Variants in CMTM6 observed in about 807,000 individuals in gnomAD.
CMTM6 encodes CKLF-like MARVEL transmembrane domain-containing protein 6.
A neutral mutation model predicts 13.6 loss-of-function variants in CMTM6; 5 were observed. That is an observed-to-expected ratio of 0.37 (90% confidence interval 0.19 to 0.77). CMTM6 has a LOEUF of 0.77. Among genes scored for constraint, CMTM6 ranks in the 30% least tolerant of loss-of-function variants. The pLI, the probability that CMTM6 is intolerant of heterozygous loss-of-function variation, is 0.50. For missense variants in CMTM6, 196 were observed against 218.6 expected (o/e 0.90, Z 0.65); for synonymous variants, 99 against 84.5 (o/e 1.17, Z -0.94).
At chr3:32,501,486 A>C (rs1697345148) in intron 1 of CMTM6, among the ~76,000 whole-genome samples, 1 of 152,206 alleles carries the variant, frequency 6.6e-6, no homozygotes, top group African/African-American at 2.4e-5. Flanking sequence ...ACTGGGTTCC[A>C]TAGGCCACAT....
chr3:32,486,129 G>T (rs1298978966), intron 3 of CMTM6, among the ~76,000 whole-genome samples: 1 of 152,156 alleles, frequency 6.6e-6, no homozygotes, highest in Non-Finnish European at 1.5e-5. Context: ...GCCCGCCTTG[G>T]CCTCCCAAAG....
rs1316836445 is a variant in CMTM6, at chr3:32,487,808, C to CA, written c.414+129dup. On this transcript the variant is annotated intron_variant, in intron 3 of 3. Transcript: ENST00000205636. ...TTGATTTGCTTGTAGGTCTTCTATT[C>CA]AAAATTACACTAAAAAGTAAGTTAT... 1.4e-5 allele frequency: 8 copies of CA among 578,756 alleles called. No individual in the cohort carries two copies. In the Admixed American group the frequency reaches 1.6e-4, roughly 12 times the overall value. 35.9% of individuals were successfully genotyped at this position (578,756 alleles called of 1,614,324 possible). A position where few individuals can be genotyped will look rare whatever the true frequency, so the allele number is the denominator to read the frequency against.
At chr3:32,494,099 A>G (rs999419795) in intron 1 of CMTM6, among the ~76,000 whole-genome samples, 36 of 152,224 alleles carry the variant, frequency 2.4e-4, no homozygotes, top group African/African-American at 8.4e-4. Context: ...GGGTGGGTCT[A>G]AAGACATAGG....
intron 2 of CMTM6, among the ~76,000 whole-genome samples, chr3:32,490,858 TAC>T (rs1420296073): frequency 6.6e-6 from 1 of 152,200 alleles, no homozygotes; most frequent in African/African-American, 2.4e-5. Flanking sequence ...TTGGAATATA[TAC>T]ATTTTTTTTT....
At position 32,502,651 on chromosome 3, in the gene CMTM6, C is replaced by A. The variant is rs769365885; in HGVS notation, c.95G>T (p.Gly32Val). ...RSGLAAYFFM[G>V]RLPLLRRVLK... ...AACGCGCCGGAGCAATGGGAGCCGG[C>A]CCATGAAAAAGTAGGCAGCGAGGCC... The change falls in exon 1 of 4, where the codon GGC (glycine) becomes GTC (valine). Residue 32 changes from glycine (G) to valine (V), a missense_variant. Transcript: ENST00000205636. The A allele has an allele frequency of 1.9e-6, 3 of 1,595,136 alleles. No homozygotes were observed. The highest frequency in any genetic ancestry group is 2.3e-5 in the East Asian group (1 of 44,002).
intron 1 of CMTM6, among the ~76,000 whole-genome samples, chr3:32,494,146 C>T (rs1697270711): frequency 6.6e-6 from 1 of 152,126 alleles, no homozygotes. Flanking sequence ...ATTCAGGGCT[C>T]AGGTTTGGGG....
At position 32,483,283 on chromosome 3, in the gene CMTM6, G is replaced by A. The variant is rs1697172294; in HGVS notation, c.*677C>T. The A allele has an allele frequency of 6.6e-6, 1 of 152,500 alleles. No homozygotes were observed. The highest frequency in any genetic ancestry group is 1.5e-5 in the Non-Finnish European group (1 of 68,020). The allele number at this position is 152,500 out of a possible 1,614,324, so 9.4% of individuals were successfully genotyped here. On this transcript the variant is annotated 3_prime_UTR_variant, in exon 4 of 4. Coordinates refer to ENST00000205636, the MANE Select transcript of CMTM6 (RefSeq NM_017801.3). Reference sequence around the variant, plus strand: ...AACAACCAAGGTGCAGTATAAACACGAAGTTGCTGATATTGTTGCTTTTAT... The same window carrying A: ...AACAACCAAGGTGCAGTATAAACACAAAGTTGCTGATATTGTTGCTTTTAT...
chr3:32,485,452 A>G (rs922401353), intron 3 of CMTM6, among the ~76,000 whole-genome samples: 2 of 152,020 alleles, frequency 1.3e-5, no homozygotes, highest in Non-Finnish European at 2.9e-5. Flanking sequence ...ATTTTTCCTC[A>G]ACTTCATTTC....
At chr3:32,501,188 CAAAAAAAA>C in intron 1 of CMTM6, among the ~76,000 whole-genome samples, 1 of 58,412 alleles carries the variant, frequency 1.7e-5, no homozygotes, top group African/African-American at 6.4e-5. Context: ...GACTCGGTCT[CAAAAAAAA>C]AAAAAAAAAA....
chr3:32,496,649 G>A (rs1697294320), intron 1 of CMTM6, among the ~76,000 whole-genome samples: 1 of 152,140 alleles, frequency 6.6e-6, no homozygotes, highest in African/African-American at 2.4e-5. Context: ...ATTATATGTA[G>A]GTTAGAAAAT....
At chr3:32,488,109 A>G (rs765375720) in intron 2 of CMTM6, 73 bp from the exon 3 acceptor site, 118 of 1,092,496 alleles carry the variant, frequency 1.1e-4, no homozygotes, top group Non-Finnish European at 1.5e-4. Context: ...TTCATTTTTA[A>G]CTTTAAAAAG....
intron 2 of CMTM6, among the ~76,000 whole-genome samples, chr3:32,488,832 GGCTCTCATAT>G: frequency 6.6e-6 from 1 of 152,260 alleles, no homozygotes; most frequent in Non-Finnish European, 1.5e-5. Context: ...TACCTCACAA[GGCTCTCATAT>G]GCCAACTGAA....
chr3:32,496,352 C>G (rs1158543054), intron 1 of CMTM6, among the ~76,000 whole-genome samples: 3 of 151,326 alleles, frequency 2.0e-5, no homozygotes, highest in Non-Finnish European at 4.4e-5. Context: ...GAAGCCAAGG[C>G]GGGAGGATTG....
chr3:32,497,202 T>C (rs2125659180), intron 1 of CMTM6, among the ~76,000 whole-genome samples: 1 of 151,500 alleles, frequency 6.6e-6, no homozygotes, highest in African/African-American at 2.4e-5. Flanking sequence ...GCTAACATGG[T>C]GAAACCCCGT....
intron 1 of CMTM6, among the ~76,000 whole-genome samples, chr3:32,498,166 T>G (rs549351666): frequency 3.3e-5 from 5 of 152,232 alleles, no homozygotes; most frequent in African/African-American, 1.2e-4. Flanking sequence ...CCAAATATAA[T>G]TAAGAGAATT....
intron 2 of CMTM6, 65 bp from the exon 3 acceptor site, chr3:32,488,101 C>A: frequency 8.6e-7 from 1 of 1,156,372 alleles, no homozygotes; most frequent in East Asian, 2.5e-5. Flanking sequence ...TGAACTTTTT[C>A]ATTTTTAACT....
chr3:32,484,022 G>C lies in CMTM6; in HGVS notation c.490C>G (p.Gln164Glu), dbSNP rs137906016. ...TMLYEKRQES[Q>E]LRKPENTTRA... ...GTGGTATTTTCAGGTTTTCTCAGCT[G>C]GGACTCCTGTCGTTTTTCATACAGC... Residue 164 changes from glutamine (Q) to glutamate (E), a missense_variant, in exon 4 of 4, where the codon CAG (glutamine) becomes GAG (glutamate). Gln to Glu is a conservative substitution (Grantham distance 29, BLOSUM62 2). Around this residue, in one of 2 missense-constraint regions of CMTM6, gnomAD observed 111 missense variants for 160.0 expected, o/e 0.69. Transcript: ENST00000205636. The C allele has an allele frequency of 3.7e-6, 6 of 1,611,514 alleles. No homozygotes were observed. The highest frequency in any genetic ancestry group is 2.7e-5 in the African/African-American group (2 of 74,892).
At chr3:32,493,453 G>T (rs72858891) in intron 1 of CMTM6, among the ~76,000 whole-genome samples, 7,702 of 152,258 alleles carry the variant, frequency 0.051, 454 homozygotes, top group East Asian at 0.21. Context: ...AGGGAGAGAA[G>T]AAATTCAGTT....
At chr3:32,499,963 A>C (rs952530709) in intron 1 of CMTM6, among the ~76,000 whole-genome samples, 1 of 151,934 alleles carries the variant, frequency 6.6e-6, no homozygotes, top group Non-Finnish European at 1.5e-5. Flanking sequence ...CAACCTCCGA[A>C]GACTCTAATG....
Sources: allele counts gnomAD v4.1 joint callset (sites outside exome capture counted in the v4.1 genomes callset), GRCh38; gene constraint gnomAD v4.1.1; regional missense constraint gnomAD v4.1.1; transcripts MANE v1.5; gene names NCBI Gene and HGNC (gene_info 2026-07-23, HGNC 2026-07-21).